LRP2: variants seen among roughly 807,000 people sequenced by gnomAD.
LRP2 encodes low-density lipoprotein receptor-related protein 2.
In LRP2, 172 loss-of-function variants were observed where a neutral mutation model predicts 531.0. The observed-to-expected ratio is 0.32, with a 90% CI of 0.29 to 0.37. The LOEUF is 0.37. LRP2 is among the 10% of genes least tolerant of loss of function. LRP2 has a pLI of 1.00. For synonymous variants in LRP2, 1,992 were observed against 2,027.6 expected, an observed-to-expected ratio of 0.98 and a Z score of 0.47; for missense variants, 5,167 against 5,868.3, an observed-to-expected ratio of 0.88 and a Z score of 3.90.
chr2:169,279,569 T>A lies in LRP2; in HGVS notation c.1368A>T (p.Leu456Phe). The change falls in exon 12 of 79, where the codon TTA becomes TTT. Residue 456 changes from leucine to phenylalanine, a missense_variant. By Grantham distance (22) the Leu-to-Phe change is conservative (BLOSUM62 0). Transcript: ENST00000649046. ...AAACATTGAGAACCTCTTGGATATTTAAACCATTAATGTCAACTGAAAAAA... is the reference window on the plus strand; with the variant it reads ...AAACATTGAGAACCTCTTGGATATTAAAACCATTAATGTCAACTGAAAAAA... ...NKVFSVDINGLNIQEVLNVSV... is the reference protein window; with the variant it reads ...NKVFSVDINGFNIQEVLNVSV... 3 of 1,613,168 alleles carry A rather than the reference T, an allele frequency of 1.9e-6. No homozygotes were observed. The highest frequency in any genetic ancestry group is 2.5e-6 in the Non-Finnish European group (3 of 1,179,230).
rs970212836 is a variant in LRP2 at position 169,193,711 on chromosome 2, G to C, written c.8830+50C>G. 6.2e-6 allele frequency: 10 copies of C among 1,612,436 alleles called. No individual in the cohort carries two copies. The Admixed American group carries it at 8.3e-5, about 13-fold the overall frequency. On this transcript the variant is annotated intron_variant, in intron 47 of 78. Coordinates refer to ENST00000649046, the MANE Select transcript of LRP2 (RefSeq NM_004525.3). ...CCAAACACAGAAAAACAACTCTACT[G>C]TGTTTCCCTGGAATGTGACTCTGCA...
chr2:169,226,446 T>G lies in LRP2; in HGVS notation c.5370A>C (p.Gln1790His). ...CTGGATTTTCAACCCAATAGATGTATTGCTCAGCATCATCAAATTCAACAT... is the reference window on the plus strand; with the variant it reads ...CTGGATTTTCAACCCAATAGATGTAGTGCTCAGCATCATCAAATTCAACAT... ...GLDVEFDDAE[Q>H]YIYWVENPGE... The change falls in exon 32 of 79, where the codon CAA becomes CAC. Residue 1790 changes from glutamine to histidine, a missense_variant. By Grantham distance (24) the Gln-to-His change is conservative (BLOSUM62 0). This residue lies in a region of LRP2 where 2,811 missense variants were observed against 3,058.0 expected (regional missense o/e 0.92). Transcript: ENST00000649046. 3.1e-6 allele frequency: 5 copies of G among 1,613,634 alleles called. No individual in the cohort carries two copies. Among genetic ancestry groups the G allele is most frequent in the Non-Finnish European group, 4.2e-6 (5 of 1,179,662 alleles).
At chr2:169,145,492 A>G (rs1685873839) in intron 70 of LRP2, among the ~76,000 whole-genome samples, 1 of 152,176 alleles carries the variant, frequency 6.6e-6, no homozygotes, top group Admixed American at 6.5e-5. Context: ...CACTCCAAAC[A>G]ATGATGAGGG....
chr2:169,149,835 C>G (rs1253032857), intron 68 of LRP2, among the ~76,000 whole-genome samples: 8 of 149,164 alleles, frequency 5.4e-5, no homozygotes, highest in Non-Finnish European at 5.9e-5. Context: ...CACTCCATCT[C>G]CAAAAAAATT....
At chr2:169,183,797 T>C (rs1284440762) in intron 50 of LRP2, among the ~76,000 whole-genome samples, 5 of 152,230 alleles carry the variant, frequency 3.3e-5, no homozygotes, top group Admixed American at 1.3e-4. Flanking sequence ...ATGCAAGGGC[T>C]TTGGAAACCA....
intron 70 of LRP2, among the ~76,000 whole-genome samples, chr2:169,143,439 G>A (rs904811370): frequency 2.0e-5 from 3 of 152,044 alleles, no homozygotes; most frequent in African/African-American, 7.2e-5. Context: ...TCAGGAGATC[G>A]AGACCATCCT....
chr2:169,259,234 G>T lies in LRP2; in HGVS notation c.2321-17C>A, dbSNP rs779275496. ...TTTCTCTTCCTATAAGTTAAAATATGGACATATTTTAAGCTAAGTATATTT... is the reference window on the plus strand; with the variant it reads ...TTTCTCTTCCTATAAGTTAAAATATTGACATATTTTAAGCTAAGTATATTT... On this transcript the variant is annotated splice_polypyrimidine_tract_variant and intron_variant, in intron 16 of 78. Coordinates refer to ENST00000649046, the MANE Select transcript of LRP2 (RefSeq NM_004525.3). 1 of 1,592,982 alleles carries T rather than the reference G, an allele frequency of 6.3e-7. No homozygotes were observed. Among genetic ancestry groups the T allele is most frequent in the East Asian group, 2.2e-5 (1 of 44,488 alleles).
At chr2:169,273,744 T>A (rs1683482589) in intron 14 of LRP2, among the ~76,000 whole-genome samples, 1 of 152,178 alleles carries the variant, frequency 6.6e-6, no homozygotes. Flanking sequence ...AGCCTTTGAC[T>A]TATTCTTTAA....
chr2:169,338,046 A>G (rs186518835), intron 1 of LRP2, among the ~76,000 whole-genome samples: 1 of 152,072 alleles, frequency 6.6e-6, no homozygotes. Flanking sequence ...GTTTGAAGCT[A>G]CAGTGAGCTA....
chr2:169,292,581 T>G (rs1033294406), intron 6 of LRP2, among the ~76,000 whole-genome samples: 21 of 152,128 alleles, frequency 1.4e-4, no homozygotes, highest in Middle Eastern at 3.4e-3. Flanking sequence ...GGAAATGAAC[T>G]CAGGTGCCGG....
In LRP2 at chr2:169,318,839, C is replaced by T. The variant is rs546882372; in HGVS notation, c.233G>A (p.Gly78Glu). The T allele has an allele frequency of 1.9e-6, 3 of 1,614,018 alleles. No individual in the cohort carries two copies. The highest frequency in any genetic ancestry group is 4.5e-5 in the East Asian group (2 of 44,900). ...CACCCAGGAGTTGGGGATGCATTGT[C>T]CCTCACTCTGGCACTTGAAATAGCC... ...QQGYFKCQSE[G>E]QCIPNSWVCD... The change falls in exon 3 of 79, where the codon GGA becomes GAA. Residue 78 changes from glycine to glutamate, a missense_variant. Coordinates refer to ENST00000649046, the MANE Select transcript of LRP2 (RefSeq NM_004525.3).
intron 31 of LRP2, among the ~76,000 whole-genome samples, chr2:169,228,354 C>A (rs1008912153): frequency 1.3e-5 from 2 of 151,192 alleles, no homozygotes; most frequent in African/African-American, 4.9e-5. Flanking sequence ...TTCAGCTGTA[C>A]CAAGAAATTA....
chr2:169,155,904 C>T (rs1268403918), intron 65 of LRP2, among the ~76,000 whole-genome samples: 1 of 152,134 alleles, frequency 6.6e-6, no homozygotes, highest in African/African-American at 2.4e-5. Flanking sequence ...TTGTTACCTT[C>T]CTTTTATTGA....
intron 33 of LRP2, among the ~76,000 whole-genome samples, chr2:169,224,553 C>T (rs1353362287): frequency 6.6e-6 from 1 of 152,134 alleles, no homozygotes; most frequent in Non-Finnish European, 1.5e-5. Context: ...AGAAAGATTT[C>T]CATCTAAGAA....
chr2:169,313,720 T>C (rs1307013378), intron 3 of LRP2, among the ~76,000 whole-genome samples: 2 of 152,150 alleles, frequency 1.3e-5, no homozygotes, highest in Non-Finnish European at 2.9e-5. Flanking sequence ...GGAGATCCAC[T>C]ACTCTCTTCA....
chr2:169,165,255 C>T (rs1416979059), intron 62 of LRP2, among the ~76,000 whole-genome samples: 1 of 152,216 alleles, frequency 6.6e-6, no homozygotes, highest in Non-Finnish European at 1.5e-5. Flanking sequence ...TGATTTTCCT[C>T]ACTGACATTT....
intron 28 of LRP2, among the ~76,000 whole-genome samples, chr2:169,236,328 A>T (rs1181893149): frequency 6.6e-6 from 1 of 152,242 alleles, no homozygotes; most frequent in Non-Finnish European, 1.5e-5. Flanking sequence ...ACATTATGAC[A>T]TTGAAATGTC....
At chr2:169,237,376 C>T (rs781705881) in intron 27 of LRP2, 89 bp from the exon 28 acceptor site, 4 of 1,038,038 alleles carry the variant, frequency 3.9e-6, no homozygotes, top group Non-Finnish European at 5.8e-6. Flanking sequence ...ATTAAACCAT[C>T]TAACTTGTCC....
intron 76 of LRP2, among the ~76,000 whole-genome samples, chr2:169,136,602 T>A (rs1481545500): frequency 6.6e-6 from 1 of 151,946 alleles, no homozygotes; most frequent in Non-Finnish European, 1.5e-5. Context: ...TTTTCCTGGC[T>A]CATCTGGCTC....
Sources: gnomAD v4.1 joint callset for allele counts (sites outside exome capture counted in the v4.1 genomes callset) on GRCh38, gnomAD v4.1.1 for gene constraint, gnomAD v4.1.1 regional missense constraint, MANE v1.5 for transcripts, NCBI Gene and HGNC (gene_info 2026-07-23, HGNC 2026-07-21) for gene names.